The following KLHL2 variants were observed in gnomAD, a reference collection of about 807,000 sequenced individuals.
KLHL2 encodes the protein kelch like family member 2.
A neutral mutation model predicts 75.8 loss-of-function variants in KLHL2; 15 were observed. The observed-to-expected ratio is 0.20, with a 90% CI of 0.13 to 0.30. The LOEUF is 0.30. Ranked by LOEUF, KLHL2 falls within the 10% of genes least tolerant of loss-of-function variation. The pLI, the probability that KLHL2 is intolerant of heterozygous loss-of-function variation, is 1.00. For missense variants in KLHL2, 381 were observed against 741.0 expected (o/e 0.51, Z 5.64); for synonymous variants, 214 against 251.9 (o/e 0.85, Z 1.42).
rs1736918626 is a variant in KLHL2 at position 165,207,682 on chromosome 4, G to C, written c.-195G>C. The C allele has an allele frequency of 5.5e-6, 1 of 182,918 alleles. No homozygotes were observed. Among genetic ancestry groups the C allele is most frequent in the Non-Finnish European group, 1.1e-5 (1 of 93,594 alleles). 11.3% of individuals were successfully genotyped at this position (182,918 alleles called of 1,614,324 possible). A position where few individuals can be genotyped will look rare whatever the true frequency, so the allele number is the denominator to read the frequency against. On this transcript the variant is annotated 5_prime_UTR_variant, in exon 1 of 15. Transcript: ENST00000226725. This position sits in a 1 kb window ranked among gnomAD's most constrained non-coding sequence, Gnocchi z 4.2. ...GAGCGCGGGAGCCGCGCAGTAGACG[G>C]AGCGCGCCCGGCCGAGCGGGCCATG...
chr4:165,316,615 A>C (rs1364330214), intron 13 of KLHL2, among the ~76,000 whole-genome samples: 1 of 147,318 alleles, frequency 6.8e-6, no homozygotes, highest in South Asian at 2.1e-4. Context: ...AAAAGCATTT[A>C]CCATTAGACT....
intron 4 of KLHL2, among the ~76,000 whole-genome samples, chr4:165,245,768 G>C (rs1190314159): frequency 6.6e-6 from 1 of 152,148 alleles, no homozygotes; most frequent in Non-Finnish European, 1.5e-5. Context: ...AGCTGGATCA[G>C]GCCAGATCAG....
At chr4:165,245,373 T>A (rs1349747636) in intron 4 of KLHL2, among the ~76,000 whole-genome samples, 13 of 152,182 alleles carry the variant, frequency 8.5e-5, no homozygotes, top group Admixed American at 7.9e-4. Flanking sequence ...CTGATGGCAG[T>A]GCCTTTATCC....
intron 1 of KLHL2, among the ~76,000 whole-genome samples, chr4:165,215,162 G>A (rs568227223): frequency 1.3e-5 from 2 of 152,202 alleles, no homozygotes; most frequent in East Asian, 3.9e-4. Context: ...CTTTGCCTTA[G>A]CTAACTGCAA....
chr4:165,309,671 A>T (rs1289801676), intron 9 of KLHL2, among the ~76,000 whole-genome samples: 1 of 152,202 alleles, frequency 6.6e-6, no homozygotes, highest in African/African-American at 2.4e-5. Flanking sequence ...ATAGCTTTTT[A>T]CATGTCATGA....
At chr4:165,244,389 A>C (rs1281596021) in intron 4 of KLHL2, among the ~76,000 whole-genome samples, 2 of 152,242 alleles carry the variant, frequency 1.3e-5, no homozygotes, top group Non-Finnish European at 2.9e-5. Context: ...GTGCAAGCAC[A>C]GTAGAATGTA....
At chr4:165,222,999 G>GTTTA (rs1738128948) in intron 2 of KLHL2, among the ~76,000 whole-genome samples, 1 of 152,250 alleles carries the variant, frequency 6.6e-6, no homozygotes, top group South Asian at 2.1e-4. Context: ...AGGAAGACAG[G>GTTTA]AGTTCTGTAA....
intron 5 of KLHL2, among the ~76,000 whole-genome samples, chr4:165,265,228 A>C (rs1272299803): frequency 6.6e-6 from 1 of 151,644 alleles, no homozygotes; most frequent in Non-Finnish European, 1.5e-5. Context: ...GGATTATTTG[A>C]TTTTTTCTTG....
chr4:165,307,119 C>T (rs534892089), intron 9 of KLHL2, among the ~76,000 whole-genome samples: 43 of 152,214 alleles, frequency 2.8e-4, no homozygotes, highest in African/African-American at 9.9e-4. Context: ...ACCAGCCTGG[C>T]CAACATGATG....
chr4:165,297,917 G>A (rs1051585147), intron 7 of KLHL2, among the ~76,000 whole-genome samples, 192 bp downstream of exon 7: 15 of 152,120 alleles, frequency 9.9e-5, no homozygotes, highest in African/African-American at 2.4e-4. Flanking sequence ...TCCACCTCCC[G>A]GGCTCAAGTG....
chr4:165,296,756 G>T (rs751756411), intron 6 of KLHL2, among the ~76,000 whole-genome samples: 57 of 152,152 alleles, frequency 3.7e-4, no homozygotes, highest in Non-Finnish European at 4.4e-5. Context: ...CGACTATCTT[G>T]TTCACCTAAT....
chr4:165,282,917 T>C (rs1579115744), intron 5 of KLHL2, among the ~76,000 whole-genome samples: 2 of 152,008 alleles, frequency 1.3e-5, no homozygotes, highest in African/African-American at 4.8e-5. Flanking sequence ...CAGTTCCACA[T>C]GGCTGGGGAG....
intron 5 of KLHL2, among the ~76,000 whole-genome samples, chr4:165,273,487 C>T (rs1289607193): frequency 6.6e-6 from 1 of 152,112 alleles, no homozygotes; most frequent in African/African-American, 2.4e-5. Flanking sequence ...ATCTTGAATT[C>T]CCATGTGTGG....
At chr4:165,239,130 GCTTGTT>G (rs1274366024) in intron 4 of KLHL2, among the ~76,000 whole-genome samples, 1 of 152,062 alleles carries the variant, frequency 6.6e-6, no homozygotes, top group Non-Finnish European at 1.5e-5. Flanking sequence ...TCTGAATGAT[GCTTGTT>G]CTTTCATGAA....
At chr4:165,236,311 C>T (rs1298981289) in intron 3 of KLHL2, among the ~76,000 whole-genome samples, 1 of 152,176 alleles carries the variant, frequency 6.6e-6, no homozygotes, top group Non-Finnish European at 1.5e-5. Context: ...ACTATAATCT[C>T]TATAGAGACT....
At chr4:165,239,788 T>G (rs1302903002) in intron 4 of KLHL2, among the ~76,000 whole-genome samples, 1 of 152,206 alleles carries the variant, frequency 6.6e-6, no homozygotes, top group African/African-American at 2.4e-5. Flanking sequence ...ATTCACTTCT[T>G]CTTCTCTAGA....
At chr4:165,313,585 T>G (rs535877979) in intron 12 of KLHL2, among the ~76,000 whole-genome samples, 112 of 152,338 alleles carry the variant, frequency 7.4e-4, no homozygotes, top group African/African-American at 2.5e-3. Context: ...CATTTCTGTT[T>G]CATTTATATA....
intron 2 of KLHL2, among the ~76,000 whole-genome samples, chr4:165,224,272 G>A (rs1251353590): frequency 6.6e-6 from 1 of 151,966 alleles, no homozygotes; most frequent in East Asian, 1.9e-4. Context: ...GGATAAGACT[G>A]TACTTGAGCT....
intron 4 of KLHL2, among the ~76,000 whole-genome samples, chr4:165,248,797 G>C (rs751347991): frequency 1.3e-5 from 2 of 152,208 alleles, no homozygotes; most frequent in African/African-American, 2.4e-5. Flanking sequence ...GTCTTACTAT[G>C]TAGTGTGGTC....
Sources: gnomAD v4.1 joint callset for allele counts (sites outside exome capture counted in the v4.1 genomes callset) on GRCh38, gnomAD v4.1.1 for gene constraint, Gnocchi (gnomAD v3.1) non-coding constraint, MANE v1.5 for transcripts, NCBI Gene and HGNC (gene_info 2026-07-23, HGNC 2026-07-21) for gene names.